DLG2: variants seen among roughly 807,000 people sequenced by gnomAD.
DLG2 encodes the protein discs large MAGUK scaffold protein 2, also known as disks large homolog 2.
A neutral mutation model predicts 132.5 loss-of-function variants in DLG2; 45 were observed. The ratio of observed to expected loss-of-function variants is 0.34; its 90% CI spans 0.27 to 0.44. The LOEUF (loss-of-function observed/expected upper bound fraction) is 0.44, where lower values mean the gene tolerates loss of function less well. Among genes scored for constraint, DLG2 ranks in the 20% least tolerant of loss-of-function variants. The pLI is 1.00. For missense variants in DLG2, 1,045 were observed against 1,196.9 expected (o/e 0.87, Z 1.87); for synonymous variants, 424 against 419.6 (o/e 1.01, Z -0.13).
intron 7 of DLG2, among the ~76,000 whole-genome samples, chr11:84,419,729 G>A (rs556329139): frequency 3.9e-5 from 6 of 152,260 alleles, no homozygotes; most frequent in African/African-American, 1.4e-4. Flanking sequence ...TCTCAAGTGT[G>A]AGGTAATCCC....
chr11:84,804,437 T>C (rs2075769629), intron 6 of DLG2, among the ~76,000 whole-genome samples: 1 of 152,212 alleles, frequency 6.6e-6, no homozygotes, highest in Admixed American at 6.5e-5. Flanking sequence ...TTCTTCCTAC[T>C]ATGTACAAAT....
intron 8 of DLG2, among the ~76,000 whole-genome samples, chr11:84,245,686 T>C (rs1200810160): frequency 2.6e-5 from 4 of 152,066 alleles, no homozygotes; most frequent in African/African-American, 9.7e-5. Context: ...TTAGACAACA[T>C]ACAATAATCT....
chr11:85,084,258 G>C (rs927356643), intron 6 of DLG2, among the ~76,000 whole-genome samples: 10 of 152,174 alleles, frequency 6.6e-5, no homozygotes, highest in Non-Finnish European at 1.0e-4. Flanking sequence ...ATGTAGGAAA[G>C]AGGAGATGAA....
At chr11:85,359,102 C>T (rs1251453565) in intron 3 of DLG2, among the ~76,000 whole-genome samples, 1 of 152,188 alleles carries the variant, frequency 6.6e-6, no homozygotes, top group African/African-American at 2.4e-5. Flanking sequence ...TATGCAAAGA[C>T]ATTGTTATCA....
At chr11:85,200,568 TG>T (rs2081386593) in intron 4 of DLG2, among the ~76,000 whole-genome samples, 1 of 152,146 alleles carries the variant, frequency 6.6e-6, no homozygotes, top group Admixed American at 6.5e-5. Context: ...ACCCCATCTA[TG>T]CAGGGACTTG....
At chr11:84,957,023 T>C (rs1591814514) in intron 6 of DLG2, among the ~76,000 whole-genome samples, 1 of 152,330 alleles carries the variant, frequency 6.6e-6, no homozygotes, top group East Asian at 1.9e-4. Flanking sequence ...AATTCAACAT[T>C]AGTTGAATGT....
At chr11:84,125,128 G>T (rs1232919779) in intron 9 of DLG2, among the ~76,000 whole-genome samples, 1 of 152,026 alleles carries the variant, frequency 6.6e-6, no homozygotes, top group Non-Finnish European at 1.5e-5. Context: ...GGGATTACAG[G>T]TGTGAGCCAC....
At chr11:84,935,378 A>G (rs893942711) in intron 6 of DLG2, among the ~76,000 whole-genome samples, 5 of 152,200 alleles carry the variant, frequency 3.3e-5, no homozygotes, top group Non-Finnish European at 7.3e-5. Flanking sequence ...CTGTTTAAAT[A>G]CAGTCCCAGA....
At chr11:83,528,562 C>G (rs1252538497) in intron 21 of DLG2, among the ~76,000 whole-genome samples, 1 of 152,156 alleles carries the variant, frequency 6.6e-6, no homozygotes, top group South Asian at 2.1e-4. Flanking sequence ...TTGAAGCCTT[C>G]TCTTTTACCT....
rs1174485317 is a variant in DLG2 at position 85,304,745 on chromosome 11, G to GA, written c.41-19381dup. 2.6e-5 allele frequency among the ~76,000 whole-genome samples: 4 copies of GA among 152,154 alleles called. No homozygotes were observed. In the East Asian group the frequency reaches 7.7e-4, roughly 29 times the overall value. On this transcript the variant is annotated intron_variant, in intron 3 of 27. Transcript: ENST00000376104. ...GTACAGAATACTTCTTGATTAAACA[G>GA]AAAAGGGCAGTAAAGCTGTCAGGGG...
intron 19 of DLG2, among the ~76,000 whole-genome samples, chr11:83,561,082 G>A (rs2096602204): frequency 2.0e-5 from 3 of 152,110 alleles, no homozygotes; most frequent in Admixed American, 2.0e-4. Context: ...TGGGGAAGGT[G>A]CCACACACTT....
At chr11:84,017,675 T>C (rs1185347168) in intron 11 of DLG2, among the ~76,000 whole-genome samples, 1 of 152,052 alleles carries the variant, frequency 6.6e-6, no homozygotes, top group Non-Finnish European at 1.5e-5. Context: ...AGAAAGTAGC[T>C]CATTATATTG....
intron 11 of DLG2, among the ~76,000 whole-genome samples, chr11:84,000,914 G>A (rs2094312711): frequency 1.3e-5 from 2 of 151,936 alleles, no homozygotes; most frequent in Non-Finnish European, 2.9e-5. Flanking sequence ...ACACACAAAT[G>A]TATAAAACTC....
intron 11 of DLG2, among the ~76,000 whole-genome samples, chr11:84,018,476 TAATA>T (rs1372898369): frequency 1.3e-5 from 2 of 152,056 alleles, no homozygotes; most frequent in East Asian, 1.9e-4. Context: ...TTATTCCAGA[TAATA>T]AATAGAAACA....
At chr11:83,738,076 T>G (rs1304762669) in intron 18 of DLG2, among the ~76,000 whole-genome samples, 3 of 152,168 alleles carry the variant, frequency 2.0e-5, no homozygotes, top group Non-Finnish European at 2.9e-5. Flanking sequence ...GGGTTAGTGA[T>G]GATGCCAATT....
chr11:85,391,135 A>T (rs1286964990), intron 3 of DLG2, among the ~76,000 whole-genome samples: 1 of 152,122 alleles, frequency 6.6e-6, no homozygotes, highest in African/African-American at 2.4e-5. Context: ...AATACAAAAG[A>T]TCATTCAAGG....
At chr11:85,303,250 T>C (rs1248789547) in intron 3 of DLG2, among the ~76,000 whole-genome samples, 1 of 152,230 alleles carries the variant, frequency 6.6e-6, no homozygotes, top group African/African-American at 2.4e-5. Flanking sequence ...GGCTTGGTTT[T>C]GAAGTACACA....
chr11:84,748,392 G>A (rs1351992310), intron 6 of DLG2, among the ~76,000 whole-genome samples: 1 of 152,098 alleles, frequency 6.6e-6, no homozygotes, highest in Admixed American at 6.5e-5. Context: ...ACTACATAAT[G>A]AGAAGTTGAA....
At chr11:84,020,829 G>C (rs76288375) in intron 11 of DLG2, among the ~76,000 whole-genome samples, 1,803 of 152,232 alleles carry the variant, frequency 0.012, 33 homozygotes, top group African/African-American at 0.042. Context: ...AAGATTGTGT[G>C]GGAAGTTCTT....
Sources: allele counts gnomAD v4.1 joint callset (sites outside exome capture counted in the v4.1 genomes callset), GRCh38; gene constraint gnomAD v4.1.1; transcripts MANE v1.5; gene names NCBI Gene and HGNC (gene_info 2026-07-23, HGNC 2026-07-21).